PAICS: variants seen among roughly 807,000 people sequenced by gnomAD.
PAICS encodes bifunctional phosphoribosylaminoimidazole carboxylase/phosphoribosylaminoimidazole succinocarboxamide synthetase.
PAICS carries 33 observed loss-of-function variants against 53.7 expected under a neutral mutation model. The ratio of observed to expected loss-of-function variants is 0.61; its 90% CI spans 0.47 to 0.82. The LOEUF is 0.82. PAICS is among the 40% of genes least tolerant of loss of function. The pLI is 0.00. For synonymous variants in PAICS, 141 were observed against 167.2 expected, an observed-to-expected ratio of 0.84 and a Z score of 1.21; for missense variants, 394 against 494.1, an observed-to-expected ratio of 0.80 and a Z score of 1.92.
intron 8 of PAICS, among the ~76,000 whole-genome samples, chr4:56,457,719 G>A (rs1436387866): frequency 7.0e-6 from 1 of 143,774 alleles, no homozygotes; most frequent in Non-Finnish European, 1.5e-5. Context: ...AGGCTAGAAT[G>A]CAATGGCGCA....
the PAICS span, among the ~76,000 whole-genome samples, chr4:56,429,552 C>T: frequency 6.6e-6 from 1 of 152,058 alleles, no homozygotes; most frequent in Non-Finnish European, 1.5e-5. Flanking sequence ...ATAAGAAAAC[C>T]TGAGCTCCAG....
At chr4:56,410,899 TAAAAAAAAAAAAAAAAAAAA>T in the PAICS span, 88 of 678,544 alleles carry the variant, frequency 1.3e-4, no homozygotes, top group Admixed American at 8.2e-4. Context: ...CCACTGAAGG[TAAAAAAAAAAAAAAAAAAAA>T]AAAAAAAAAG....
Position 56,453,704 on chromosome 4 carries a change from C to T in PAICS, c.1054C>T (p.Pro352Ser). Residue 352 changes from proline (P) to serine (S), a missense_variant, in exon 8 of 9, where the codon CCC becomes TCC. Coordinates refer to ENST00000512576, the MANE Select transcript of PAICS (RefSeq NM_001079524.2). ...NTAYPVISCP[P>S]LTPDWGVQDV... ...TGCATATCCAGTTATCAGCTGTCCT[C>T]CCCTCACACCAGACTGGGGAGTTCA... 6.4e-7 allele frequency: 1 copy of T among 1,556,040 alleles called. No individual in the cohort carries two copies. Among genetic ancestry groups the T allele is most frequent in the Non-Finnish European group, 8.7e-7 (1 of 1,148,490 alleles).
chr4:56,446,170 A>AT (rs1486184358), intron 2 of PAICS, among the ~76,000 whole-genome samples: 1 of 152,222 alleles, frequency 6.6e-6, no homozygotes, highest in Non-Finnish European at 1.5e-5. Context: ...CAGTTTGACC[A>AT]TTTTTAAGTG....
At chr4:56,437,457 G>A (rs1718074288) in intron 1 of PAICS, among the ~76,000 whole-genome samples, 1 of 152,092 alleles carries the variant, frequency 6.6e-6, no homozygotes, top group African/African-American at 2.4e-5. Context: ...GTATAGTGAG[G>A]CAAATTGCTT....
intron 8 of PAICS, among the ~76,000 whole-genome samples, chr4:56,459,107 TGTAA>T (rs1305901886): frequency 6.6e-6 from 1 of 152,200 alleles, no homozygotes; most frequent in Non-Finnish European, 1.5e-5. Flanking sequence ...TAAGTTTCTT[TGTAA>T]GTGAGTTCTA....
rs774802084 is a variant in PAICS, at chr4:56,459,519, T to C, written c.1259T>C (p.Ile420Thr). The stretch of plus-strand genomic sequence containing the variant: ...TCCTTGAAGCAGGCTGACAAGAAAA[T>C]CAGAGAATGTAATTTATAAGAAAGA... ...WISLKQADKK[I>T]RECNL Residue 420 changes from isoleucine (I) to threonine (T), a missense_variant, in exon 9 of 9, where the codon ATC (isoleucine) becomes ACC (threonine). Around this residue, in one of 3 missense-constraint regions of PAICS, gnomAD observed 95 missense variants for 89.3 expected, o/e 1.06. Coordinates refer to ENST00000512576, the MANE Select transcript of PAICS (RefSeq NM_001079524.2). The C allele has an allele frequency of 7.7e-6, 12 of 1,562,212 alleles. No individual in the cohort carries two copies. Among genetic ancestry groups the C allele is most frequent in the Non-Finnish European group, 1.7e-6 (2 of 1,144,950 alleles).
upstream of PAICS, chr4:56,431,393 G>C (rs1350926649): frequency 7.2e-6 from 7 of 968,320 alleles, no homozygotes; most frequent in Non-Finnish European, 8.6e-6. Flanking sequence ...TGCCTTTCCA[G>C]TGGTAATGTT....
chr4:56,417,293 G>GA, the PAICS span, among the ~76,000 whole-genome samples: 5 of 149,180 alleles, frequency 3.4e-5, no homozygotes, highest in African/African-American at 7.4e-5. Context: ...ACCTAAATAA[G>GA]AAAAAAAATT....
chr4:56,435,549 G>C (rs189152163), upstream of PAICS: 37 of 1,607,032 alleles, frequency 2.3e-5, no homozygotes, highest in Admixed American at 3.3e-5. Flanking sequence ...CTGCCAGCTC[G>C]GCCCGTCGAG....
intron 8 of PAICS, among the ~76,000 whole-genome samples, chr4:56,454,190 C>T (rs1719070113): frequency 6.6e-6 from 1 of 152,050 alleles, no homozygotes; most frequent in Non-Finnish European, 1.5e-5. Context: ...GGGATAGATT[C>T]TGGGATTAGT....
At position 56,461,431 on chromosome 4, in the gene PAICS, C is replaced by G. The variant is rs1042587006; in HGVS notation, c.*1893C>G. 1 of 152,200 alleles carries G rather than the reference C, an allele frequency of 6.6e-6. No individual in the cohort carries two copies. The highest frequency in any genetic ancestry group is 1.5e-5 in the Non-Finnish European group (1 of 68,044). The allele number at this position is 152,200 out of a possible 1,614,324, so 9.4% of individuals were successfully genotyped here. On this transcript the variant is annotated 3_prime_UTR_variant, in exon 9 of 9. Transcript: ENST00000512576. ...TGTTTACCCTTACCTAGCATTAAGA[C>G]TCCATCTACTTCTGTGCAGTATATG...
At chr4:56,441,926 G>C in intron 2 of PAICS, 66 bp downstream of exon 2, 1 of 1,113,880 alleles carries the variant, frequency 9.0e-7, no homozygotes. Flanking sequence ...TCTTTCATGT[G>C]AAGTTGGCAT....
At position 56,448,531 on chromosome 4, in the gene PAICS, A is replaced by G. The variant is rs1718737902; in HGVS notation, c.507A>G (p.Thr169=). The G allele has an allele frequency of 6.2e-7, 1 of 1,611,856 alleles. No homozygotes were observed. The highest frequency in any genetic ancestry group is 8.5e-7 in the Non-Finnish European group (1 of 1,178,522). Residue 169 remains threonine, a synonymous_variant, in exon 4 of 9, where the codon ACA becomes ACG. Coordinates refer to ENST00000512576, the MANE Select transcript of PAICS (RefSeq NM_001079524.2). ...QTEVDIMSHA[T]QAIFEILEKS... ...AAGTGGATATCATGAGTCATGCTAC[A>G]CAGGCTATATTTGAAATACTGGAGA...
intron 1 of PAICS, among the ~76,000 whole-genome samples, chr4:56,440,624 A>G (rs1718292315): frequency 6.6e-6 from 1 of 152,154 alleles, no homozygotes; most frequent in Non-Finnish European, 1.5e-5. Context: ...CCTTTGGCTA[A>G]ATTTCGATGA....
chr4:56,460,222 TGTCCCATG>T lies in PAICS; in HGVS notation c.*686_*693del. Reference sequence around the variant, plus strand: ...TTTCAACTGTCCATTTCTCCCTGTCTGTCCCATGGGCACTCATGAAAAAACAGAATGCT... The same window carrying T: ...TTTCAACTGTCCATTTCTCCCTGTCTGGCACTCATGAAAAAACAGAATGCT... On this transcript the variant is annotated 3_prime_UTR_variant, in exon 9 of 9. Coordinates refer to ENST00000512576, the MANE Select transcript of PAICS (RefSeq NM_001079524.2). The T allele has an allele frequency of 6.6e-6, 1 of 152,312 alleles. No homozygotes were observed. The highest frequency in any genetic ancestry group is 2.1e-4 in the South Asian group (1 of 4,808). 9.4% of individuals were successfully genotyped at this position (152,312 alleles called of 1,614,324 possible). A position where few individuals can be genotyped will look rare whatever the true frequency, so the allele number is the denominator to read the frequency against.
chr4:56,427,425 G>C, the PAICS span, among the ~76,000 whole-genome samples: 3 of 152,120 alleles, frequency 2.0e-5, no homozygotes, highest in Non-Finnish European at 4.4e-5. Context: ...GGAACTACCT[G>C]TTTTCCACCA....
chr4:56,442,481 AG>A (rs1185739111), intron 2 of PAICS, among the ~76,000 whole-genome samples: 1 of 152,208 alleles, frequency 6.6e-6, no homozygotes, highest in Non-Finnish European at 1.5e-5. Flanking sequence ...TTTGAAGCAA[AG>A]GGAAGGAAAT....
rs1719407646 is a variant in PAICS at position 56,459,709 on chromosome 4, CCTTT to C, written c.*175_*178del. 1.9e-6 allele frequency: 1 copy of C among 528,358 alleles called. No homozygotes were observed. The allele number at this position is 528,358 out of a possible 1,614,324, so 32.7% of individuals were successfully genotyped here. On this transcript the variant is annotated 3_prime_UTR_variant, in exon 9 of 9. Coordinates refer to ENST00000512576, the MANE Select transcript of PAICS (RefSeq NM_001079524.2). ...TAATAAACATGAGCATCTAACCCCT[CCTTT>C]CTTAGGCTAGACACCAAGATATTTC... is the stretch of plus-strand genomic sequence containing the variant.
Sources: allele counts gnomAD v4.1 joint callset (sites outside exome capture counted in the v4.1 genomes callset), GRCh38; gene constraint gnomAD v4.1.1; regional missense constraint gnomAD v4.1.1; transcripts MANE v1.5; gene names NCBI Gene and HGNC (gene_info 2026-07-23, HGNC 2026-07-21).